The following NRAP variants were observed in gnomAD, a reference collection of about 807,000 sequenced individuals.
NRAP encodes nebulin related anchoring protein, also known as nebulin-related-anchoring protein.
Under a neutral mutation model 225.9 loss-of-function variants are expected in NRAP, and 189 were observed. That is an observed-to-expected ratio of 0.84 (90% CI 0.74 to 0.94). NRAP has a LOEUF of 0.94. Ranked by LOEUF, NRAP falls within the 40% of genes least tolerant of loss-of-function variation. The probability of loss-of-function intolerance (pLI) is 0.00; values close to 1 mark genes in which losing one functional copy is unlikely to be tolerated. For missense variants in NRAP, 2,176 were observed against 2,168.7 expected (o/e 1.00, Z -0.07); for synonymous variants, 769 against 790.7 (o/e 0.97, Z 0.46).
chr10:113,629,983 C>T (rs1351523475), intron 18 of NRAP, among the ~76,000 whole-genome samples, 198 bp from the exon 19 acceptor site: 1 of 152,196 alleles, frequency 6.6e-6, no homozygotes, highest in Non-Finnish European at 1.5e-5. Flanking sequence ...TTCCATACTA[C>T]TTTGTTTCTG....
In NRAP at chr10:113,657,527, C is replaced by A; in HGVS notation, c.303G>T (p.Trp101Cys). Residue 101 changes from tryptophan to cysteine, a missense_variant, in exon 4 of 42, where the codon TGG (tryptophan) becomes TGT (cysteine). This residue lies in a region of NRAP where 1,708 missense variants were observed against 1,695.5 expected (regional missense o/e 1.01). Coordinates refer to ENST00000359988, the MANE Select transcript of NRAP (RefSeq NM_198060.4). Reference protein sequence around the residue: ...DGEQCKSVFHWDMKSKDKEGA... With the variant: ...DGEQCKSVFHCDMKSKDKEGA... ...CTTCCTTATCCTTGGATTTCATGTCCCAGTGAAAAACTGATTTACACTGTT... is the reference window on the plus strand; with the variant it reads ...CTTCCTTATCCTTGGATTTCATGTCACAGTGAAAAACTGATTTACACTGTT... The A allele has an allele frequency of 6.2e-7, 1 of 1,608,432 alleles. No individual in the cohort carries two copies. The highest frequency in any genetic ancestry group is 8.5e-7 in the Non-Finnish European group (1 of 1,174,960).
At chr10:113,589,560 A>T in intron 41 of NRAP, 106 bp downstream of exon 41, 1 of 1,363,844 alleles carries the variant, frequency 7.3e-7, no homozygotes, top group Non-Finnish European at 1.0e-6. Context: ...ACACTTCTTT[A>T]GAGCTAGCTG....
At chr10:113,607,398 TCAAAAAAAAAAAAAA>T (rs1564708808) in intron 32 of NRAP, among the ~76,000 whole-genome samples, 2 of 18,296 alleles carry the variant, frequency 1.1e-4, no homozygotes. Context: ...CGAAACTCCG[TCAAAAAAAAAAAAAA>T]AAAAAAAAAA....
At chr10:113,649,792 A>G (rs1849824315) in intron 9 of NRAP, among the ~76,000 whole-genome samples, 1 of 152,176 alleles carries the variant, frequency 6.6e-6, no homozygotes, top group Admixed American at 6.5e-5. Context: ...CCAAGCCACC[A>G]TATTGGTATA....
chr10:113,620,509 T>G, intron 25 of NRAP, 95 bp downstream of exon 25: 2 of 920,030 alleles, frequency 2.2e-6, no homozygotes, highest in South Asian at 2.8e-5. Flanking sequence ...TTTGCCTTTT[T>G]CTTTGCCTTT....
At chr10:113,632,201 T>C (rs1472463541) in intron 16 of NRAP, among the ~76,000 whole-genome samples, 2 of 152,326 alleles carry the variant, frequency 1.3e-5, no homozygotes, top group African/African-American at 4.8e-5. Flanking sequence ...TGCTCCTTGC[T>C]CTGTTGTTTT....
chr10:113,654,984 C>G (rs1377584168), intron 4 of NRAP, among the ~76,000 whole-genome samples: 1 of 152,080 alleles, frequency 6.6e-6, no homozygotes, highest in Non-Finnish European at 1.5e-5. Flanking sequence ...TGATTGGACA[C>G]AAGGGAAAGA....
At chr10:113,610,409 C>G (rs749664669) in intron 31 of NRAP, 50 bp downstream of exon 31, 1 of 860,824 alleles carries the variant, frequency 1.2e-6, no homozygotes, top group South Asian at 1.4e-5. Flanking sequence ...AACTGATTAT[C>G]CTCTGCTGTG....
chr10:113,598,174 T>G (rs1040107607), intron 35 of NRAP, 101 bp from the exon 36 acceptor site: 42 of 774,714 alleles, frequency 5.4e-5, no homozygotes, highest in Admixed American at 9.1e-5. Context: ...TAATAATGCT[T>G]CATCACAACA....
At chr10:113,629,255 G>A (rs1356052681) in intron 19 of NRAP, among the ~76,000 whole-genome samples, 3 of 151,936 alleles carry the variant, frequency 2.0e-5, no homozygotes, top group Non-Finnish European at 2.9e-5. Flanking sequence ...AGCAAAAAGA[G>A]TGTTTCTCAT....
chr10:113,615,597 G>C, intron 27 of NRAP, 115 bp downstream of exon 27: 2 of 705,930 alleles, frequency 2.8e-6, no homozygotes, highest in South Asian at 1.5e-5. Context: ...TCAAGGTGGT[G>C]ATGGCAGAAC....
chr10:113,617,433 A>T, intron 26 of NRAP, 22 bp downstream of exon 26: 2 of 1,337,426 alleles, frequency 1.5e-6, no homozygotes, highest in Non-Finnish European at 2.2e-6. Flanking sequence ...TAGAGTCATA[A>T]TGTATATACA....
intron 41 of NRAP, 184 bp from the exon 42 acceptor site, chr10:113,589,263 GC>G: frequency 1.7e-6 from 1 of 594,378 alleles, no homozygotes; most frequent in Non-Finnish European, 3.0e-6. Flanking sequence ...AGAAAGCAAA[GC>G]CAATCTCTCA....
intron 32 of NRAP, among the ~76,000 whole-genome samples, chr10:113,607,009 C>G (rs1201923386): frequency 6.6e-6 from 1 of 152,030 alleles, no homozygotes; most frequent in African/African-American, 2.4e-5. Context: ...TCGAGACCAG[C>G]CTGACCAAGA....
chr10:113,662,009 T>C (rs1158050125), intron 3 of NRAP, among the ~76,000 whole-genome samples: 1 of 152,230 alleles, frequency 6.6e-6, no homozygotes, highest in African/African-American at 2.4e-5. Context: ...CTGTCATCAT[T>C]TTATGAAACA....
chr10:113,648,425 CTTTA>C (rs1849713822), intron 9 of NRAP, among the ~76,000 whole-genome samples: 1 of 117,096 alleles, frequency 8.5e-6, no homozygotes, highest in South Asian at 2.9e-4. Flanking sequence ...GTGTTTGTAA[CTTTA>C]TTTTAGTTTC....
intron 16 of NRAP, 34 bp from the exon 17 acceptor site, chr10:113,631,998 C>A: frequency 3.1e-6 from 4 of 1,310,224 alleles, no homozygotes; most frequent in Non-Finnish European, 4.4e-6. Context: ...ATAGGAGTTG[C>A]TACCCATATT....
Position 113,645,888 on chromosome 10 carries a change from C to A in NRAP, c.1047G>T (p.Ser349=). The A allele has an allele frequency of 2.5e-6, 4 of 1,610,492 alleles. No homozygotes were observed. The highest frequency in any genetic ancestry group is 3.4e-6 in the Non-Finnish European group (4 of 1,178,236). The part of the protein sequence containing the change: ...NKMKGAAHYH[S]LPAQDNLVLK... ...GAACCAAGTTGTCTTGAGCTGGAAG[C>A]GAGTGATAATGTGCAGCGCCTTTCA... The change falls in exon 11 of 42, where the codon TCG becomes TCT. Residue 349 remains serine (S), a synonymous_variant. Coordinates refer to ENST00000359988, the MANE Select transcript of NRAP (RefSeq NM_198060.4).
rs1341825538 is a variant in NRAP, at chr10:113,590,710, G to T, written c.4824C>A (p.Gly1608=). The part of the protein sequence containing the change: ...SQFHSSTDQP[G]LLQAKRSQQL... ...GCTGGCTCCTCTTGGCCTGAAGGAG[G>T]CCGGGCTGGTCTGTGCTGCTGTGAA... The change falls in exon 40 of 42, where the codon GGC becomes GGA. Residue 1608 remains glycine, a synonymous_variant. Coordinates refer to ENST00000359988, the MANE Select transcript of NRAP (RefSeq NM_198060.4). The T allele has an allele frequency of 1.2e-6, 2 of 1,614,218 alleles. No individual in the cohort carries two copies.
Sources: allele counts gnomAD v4.1 joint callset (sites outside exome capture counted in the v4.1 genomes callset), GRCh38; gene constraint gnomAD v4.1.1; regional missense constraint gnomAD v4.1.1; transcripts MANE v1.5; gene names NCBI Gene and HGNC (gene_info 2026-07-23, HGNC 2026-07-21).